Variants in KCNQ5 observed in about 807,000 individuals in gnomAD.
KCNQ5 encodes potassium voltage-gated channel subfamily Q member 5.
KCNQ5 carries 30 observed loss-of-function variants against 98.2 expected under a neutral mutation model. That is an observed-to-expected ratio of 0.31 (90% CI 0.23 to 0.41). The LOEUF is 0.41. KCNQ5 is among the 10% of genes least tolerant of loss of function. The pLI, the probability that KCNQ5 is intolerant of heterozygous loss-of-function variation, is 1.00. For missense variants in KCNQ5, 835 were observed against 1,182.5 expected, an observed-to-expected ratio of 0.71 and a Z score of 4.31; for synonymous variants, 458 against 449.4, an observed-to-expected ratio of 1.02 and a Z score of -0.24.
At chr6:72,910,166 A>G (rs746471982) in intron 1 of KCNQ5, among the ~76,000 whole-genome samples, 1 of 152,202 alleles carries the variant, frequency 6.6e-6, no homozygotes, top group Non-Finnish European at 1.5e-5. Context: ...CTATTTAACC[A>G]TAATGATAAT....
intron 1 of KCNQ5, among the ~76,000 whole-genome samples, chr6:72,929,300 C>T (rs1582034438): frequency 6.6e-6 from 1 of 151,932 alleles, no homozygotes; most frequent in Non-Finnish European, 1.5e-5. Flanking sequence ...TGTCAGTTAA[C>T]CAACAGAAAA....
intron 5 of KCNQ5, among the ~76,000 whole-genome samples, chr6:73,098,608 A>G (rs753279584): frequency 6.6e-6 from 1 of 152,212 alleles, no homozygotes; most frequent in Non-Finnish European, 1.5e-5. Flanking sequence ...GCATATTTAA[A>G]GTGCTGAAGG....
rs1258530437 is a variant in KCNQ5, at chr6:73,077,451, G to C, written c.746G>C (p.Gly249Ala). The C allele has an allele frequency of 6.2e-7, 1 of 1,614,174 alleles. No homozygotes were observed. Among genetic ancestry groups the C allele is most frequent in the Middle Eastern group, 1.6e-4 (1 of 6,062 alleles). Residue 249 changes from glycine (G) to alanine (A), a missense_variant, in exon 4 of 14, where the codon GGA becomes GCA. Coordinates refer to ENST00000370398, the MANE Select transcript of KCNQ5 (RefSeq NM_019842.4). ...ILRMVRMDRR[G>A]GTWKLLGSVV... Reference sequence around the variant, plus strand: ...CGCATGGTGCGCATGGACCGAAGGGGAGGCACTTGGAAATTACTGGGTTCA... The same window carrying C: ...CGCATGGTGCGCATGGACCGAAGGGCAGGCACTTGGAAATTACTGGGTTCA...
intron 2 of KCNQ5, among the ~76,000 whole-genome samples, chr6:73,006,820 C>T (rs1304379084): frequency 6.6e-6 from 1 of 152,074 alleles, no homozygotes; most frequent in East Asian, 1.9e-4. Context: ...ACTTCCATCC[C>T]TTTTGGTTTT....
At chr6:73,174,715 T>A (rs750676769) in intron 11 of KCNQ5, among the ~76,000 whole-genome samples, 1 of 152,172 alleles carries the variant, frequency 6.6e-6, no homozygotes, top group Non-Finnish European at 1.5e-5. Flanking sequence ...GAGCAACTCA[T>A]ATTCCCTCTT....
intron 1 of KCNQ5, among the ~76,000 whole-genome samples, chr6:72,768,675 A>C (rs986838056): frequency 6.6e-6 from 1 of 152,072 alleles, no homozygotes; most frequent in Non-Finnish European, 1.5e-5. Context: ...AGGTAAAAAT[A>C]AGTGGCCCCA....
chr6:72,873,945 C>G (rs1218473694), intron 1 of KCNQ5, among the ~76,000 whole-genome samples: 1 of 151,900 alleles, frequency 6.6e-6, no homozygotes, highest in East Asian at 1.9e-4. Context: ...AACCATTACA[C>G]TCAGTGATAT....
intron 1 of KCNQ5, among the ~76,000 whole-genome samples, chr6:72,917,519 C>T (rs1349882038): frequency 6.6e-6 from 1 of 151,382 alleles, no homozygotes; most frequent in Non-Finnish European, 1.5e-5. Context: ...GTCACACAGG[C>T]TGGAGTGCAG....
At chr6:72,987,250 G>A (rs1244699580) in intron 1 of KCNQ5, 1 of 689,992 alleles carries the variant, frequency 1.4e-6, no homozygotes, top group African/African-American at 1.7e-5. Context: ...GGGGCAGCAA[G>A]AGACCCTTGG....
intron 1 of KCNQ5, among the ~76,000 whole-genome samples, chr6:72,791,418 A>G (rs1202507069): frequency 2.0e-5 from 3 of 152,056 alleles, no homozygotes; most frequent in Admixed American, 6.6e-5. Context: ...CTCCTACCCA[A>G]TGCCCTCCCC....
intron 1 of KCNQ5, among the ~76,000 whole-genome samples, chr6:72,946,596 C>T (rs531497480): frequency 6.6e-6 from 1 of 152,208 alleles, no homozygotes; most frequent in Non-Finnish European, 1.5e-5. Context: ...AATCAAAAGC[C>T]TACAAAAATT....
At chr6:72,942,387 G>C (rs780802496) in intron 1 of KCNQ5, among the ~76,000 whole-genome samples, 113 of 152,136 alleles carry the variant, frequency 7.4e-4, no homozygotes, top group Middle Eastern at 3.4e-3. Context: ...ATCGAGAATT[G>C]TATGATTACT....
chr6:72,860,573 C>T lies in KCNQ5; in HGVS notation c.399-143335C>T, dbSNP rs1320178768. 3.3e-5 allele frequency among the ~76,000 whole-genome samples: 5 copies of T among 152,114 alleles called. No individual in the cohort carries two copies. The East Asian group carries it at 9.6e-4, about 29-fold the overall frequency. ...CTTAGTAACATACCAAAAAATTAGT[C>T]AGCACAGTGTATATTATTTTTCTTC... On this transcript the variant is annotated intron_variant, in intron 1 of 13. Transcript: ENST00000370398.
chr6:73,006,327 T>C (rs867772129), intron 2 of KCNQ5, among the ~76,000 whole-genome samples: 16 of 142,512 alleles, frequency 1.1e-4, no homozygotes, highest in Non-Finnish European at 2.9e-5. Flanking sequence ...AGAAGGATTA[T>C]CATTGAAATA....
intron 1 of KCNQ5, among the ~76,000 whole-genome samples, chr6:72,997,497 C>T (rs955065503): frequency 7.9e-5 from 12 of 151,842 alleles, no homozygotes; most frequent in Admixed American, 2.0e-4. Flanking sequence ...CTTCACAGGC[C>T]GGGCACAGTA....
Position 73,099,162 on chromosome 6 carries a change from A to G in KCNQ5, c.919-6095A>G, listed in dbSNP as rs61692084. ...AAAAAGCATACAATGGATACACACA[A>G]AAAAATAAAAAGCAAGAAACTAAAT... On this transcript the variant is annotated intron_variant, in intron 5 of 13. Coordinates refer to ENST00000370398, the MANE Select transcript of KCNQ5 (RefSeq NM_019842.4). Among the ~76,000 whole-genome samples, 720 of 152,244 alleles carry G rather than the reference A, an allele frequency of 4.7e-3. 8 individuals are homozygous for G. The highest frequency in any genetic ancestry group is 0.016 in the African/African-American group (677 of 41,556).
intron 5 of KCNQ5, among the ~76,000 whole-genome samples, chr6:73,088,116 G>A (rs61135978): frequency 6.8e-6 from 1 of 146,018 alleles, no homozygotes; most frequent in South Asian, 2.2e-4. Context: ...CCACATCCTA[G>A]ATTCAATCAA....
At chr6:73,127,593 C>T (rs377170702) in intron 9 of KCNQ5, among the ~76,000 whole-genome samples, 1 of 152,256 alleles carries the variant, frequency 6.6e-6, no homozygotes, top group South Asian at 2.1e-4. Flanking sequence ...ATTAAGATGT[C>T]GAACACATTT....
At chr6:72,830,635 G>T (rs193187496) in intron 1 of KCNQ5, among the ~76,000 whole-genome samples, 31 of 152,272 alleles carry the variant, frequency 2.0e-4, no homozygotes, top group Non-Finnish European at 4.1e-4. Context: ...AAAAACCCTA[G>T]AAGAAAACCT....
Sources: allele counts gnomAD v4.1 joint callset (sites outside exome capture counted in the v4.1 genomes callset), GRCh38; gene constraint gnomAD v4.1.1; transcripts MANE v1.5; gene names NCBI Gene and HGNC (gene_info 2026-07-23, HGNC 2026-07-21).